NXPH1: variants seen among roughly 807,000 people sequenced by gnomAD.
NXPH1 encodes neurexophilin 1.
In NXPH1, 5 loss-of-function variants were observed where a neutral mutation model predicts 23.7. The observed-to-expected ratio is 0.21, with a 90% CI of 0.11 to 0.44. The LOEUF (loss-of-function observed/expected upper bound fraction) is 0.44. Ranked by LOEUF, NXPH1 falls within the 20% of genes least tolerant of loss-of-function variation. NXPH1 has a pLI of 0.99. For synonymous variants in NXPH1, 144 were observed against 122.2 expected, an observed-to-expected ratio of 1.18 and a Z score of -1.18; for missense variants, 324 against 321.6, an observed-to-expected ratio of 1.01 and a Z score of -0.06.
intron 2 of NXPH1, among the ~76,000 whole-genome samples, chr7:8,520,891 G>A (rs956840120): frequency 6.6e-6 from 1 of 152,098 alleles, no homozygotes; most frequent in African/African-American, 2.4e-5. Flanking sequence ...GCAGTGAAGG[G>A]GGACATTTCA....
intron 2 of NXPH1, among the ~76,000 whole-genome samples, chr7:8,520,552 C>G (rs928624385): frequency 1.3e-5 from 2 of 152,122 alleles, no homozygotes. Flanking sequence ...TGATCCATTT[C>G]CCCCCAAAGC....
chr7:8,529,506 T>C (rs1373847391), intron 2 of NXPH1, among the ~76,000 whole-genome samples: 5 of 152,214 alleles, frequency 3.3e-5, no homozygotes. Flanking sequence ...CAAGATCTAT[T>C]GTTCATGCTG....
rs34593997 is a variant in NXPH1 at position 8,739,171 on chromosome 7, T to TAAAAA, written c.55-11808_55-11804dup. Among the ~76,000 whole-genome samples, 236 of 54,046 alleles carry TAAAAA rather than the reference T, an allele frequency of 4.4e-3. 10 individuals are homozygous for TAAAAA. Among genetic ancestry groups the TAAAAA allele is most frequent in the East Asian group, 0.023 (49 of 2,098 alleles). The allele number at this position is 54,046 out of a possible 152,430, so 35.5% of individuals were successfully genotyped here. The stretch of plus-strand genomic sequence containing the variant: ...ACTGGAGTTCCAGGCACCAGTGGGG[T>TAAAAA]AAAAAAAAAAAAAAAAAAAAAAAAA... On this transcript the variant is annotated intron_variant, in intron 2 of 2. Transcript: ENST00000405863.
intron 2 of NXPH1, among the ~76,000 whole-genome samples, chr7:8,519,215 A>G (rs1817731482): frequency 6.6e-6 from 1 of 152,204 alleles, no homozygotes. Context: ...TTCCTTAAAT[A>G]AATGAATGGT....
At chr7:8,705,727 A>G (rs1779693720) in intron 2 of NXPH1, among the ~76,000 whole-genome samples, 3 of 152,144 alleles carry the variant, frequency 2.0e-5, no homozygotes, top group Admixed American at 1.3e-4. Context: ...CTCTATGACT[A>G]TTGCAAAGAT....
intron 2 of NXPH1, among the ~76,000 whole-genome samples, chr7:8,652,371 G>A (rs1467290208): frequency 6.6e-6 from 1 of 152,048 alleles, no homozygotes; most frequent in Non-Finnish European, 1.5e-5. Flanking sequence ...TCAAATAATA[G>A]TTAATGAAAG....
At chr7:8,633,967 T>C (rs888001672) in intron 2 of NXPH1, among the ~76,000 whole-genome samples, 43 of 152,140 alleles carry the variant, frequency 2.8e-4, no homozygotes, top group African/African-American at 1.0e-3. Flanking sequence ...TAAGAGCATC[T>C]GTAAATAGAG....
chr7:8,551,937 A>AT (rs932154760), intron 2 of NXPH1, among the ~76,000 whole-genome samples: 12 of 151,350 alleles, frequency 7.9e-5, no homozygotes, highest in African/African-American at 1.9e-4. Context: ...AGATGTGCAT[A>AT]TTTTTTGAAC....
At chr7:8,624,358 A>C (rs1035427532) in intron 2 of NXPH1, among the ~76,000 whole-genome samples, 2 of 152,190 alleles carry the variant, frequency 1.3e-5, no homozygotes, top group Non-Finnish European at 2.9e-5. Context: ...AAGGTTGTCC[A>C]GACTCTGAGA....
chr7:8,592,720 C>G (rs554115436), intron 2 of NXPH1, among the ~76,000 whole-genome samples: 1 of 151,960 alleles, frequency 6.6e-6, no homozygotes, highest in African/African-American at 2.4e-5. Flanking sequence ...ACAAAAGCAG[C>G]TGTAGATAAT....
At chr7:8,541,736 A>C (rs1231404983) in intron 2 of NXPH1, among the ~76,000 whole-genome samples, 1 of 151,636 alleles carries the variant, frequency 6.6e-6, no homozygotes, top group East Asian at 1.9e-4. Flanking sequence ...AGAAGGGGGA[A>C]AATGGAAGTA....
At chr7:8,511,219 A>C (rs1364111125) in intron 2 of NXPH1, among the ~76,000 whole-genome samples, 1 of 152,114 alleles carries the variant, frequency 6.6e-6, no homozygotes, top group Non-Finnish European at 1.5e-5. Context: ...GGCATTACTC[A>C]TATCTCATTT....
chr7:8,511,652 G>T (rs138038704), intron 2 of NXPH1, among the ~76,000 whole-genome samples: 1 of 151,998 alleles, frequency 6.6e-6, no homozygotes, highest in Non-Finnish European at 1.5e-5. Context: ...CAACCCCCTG[G>T]CCCCAGTGAA....
At chr7:8,689,221 A>C (rs781126679) in intron 2 of NXPH1, among the ~76,000 whole-genome samples, 4 of 152,110 alleles carry the variant, frequency 2.6e-5, no homozygotes, top group Non-Finnish European at 4.4e-5. Context: ...ATCCTGTACT[A>C]GCTGGAAAAA....
chr7:8,493,346 G>A (rs1186923673), intron 2 of NXPH1, among the ~76,000 whole-genome samples: 1 of 151,992 alleles, frequency 6.6e-6, no homozygotes, highest in African/African-American at 2.4e-5. Context: ...AGGAAATGTA[G>A]GGTTCAAACT....
At chr7:8,456,642 A>T (rs182445785) in intron 2 of NXPH1, among the ~76,000 whole-genome samples, 3 of 152,148 alleles carry the variant, frequency 2.0e-5, no homozygotes, top group Admixed American at 6.5e-5. Flanking sequence ...TTTTTTGTCT[A>T]TTTGATTTTG....
chr7:8,702,184 T>C (rs1388828835), intron 2 of NXPH1, among the ~76,000 whole-genome samples: 1 of 152,092 alleles, frequency 6.6e-6, no homozygotes, highest in Non-Finnish European at 1.5e-5. Context: ...TCTCAAAGAT[T>C]AGAATGGCAA....
At chr7:8,570,322 C>T (rs1246408675) in intron 2 of NXPH1, among the ~76,000 whole-genome samples, 1 of 151,916 alleles carries the variant, frequency 6.6e-6, no homozygotes. Flanking sequence ...ACCTTTTGGA[C>T]TTGAAACCTG....
At chr7:8,721,639 G>C (rs1380661698) in intron 2 of NXPH1, among the ~76,000 whole-genome samples, 1 of 152,114 alleles carries the variant, frequency 6.6e-6, no homozygotes, top group Admixed American at 6.5e-5. Flanking sequence ...TTAGCTGGGC[G>C]TGGTGGCGGG....
Sources: allele counts gnomAD v4.1 joint callset (sites outside exome capture counted in the v4.1 genomes callset), GRCh38; gene constraint gnomAD v4.1.1; transcripts MANE v1.5; gene names NCBI Gene and HGNC (gene_info 2026-07-23, HGNC 2026-07-21).